PPRC1: variants seen among roughly 807,000 people sequenced by gnomAD.
The protein encoded by PPRC1 is peroxisome proliferator-activated receptor gamma coactivator-related protein 1.
In PPRC1, 23 loss-of-function variants were observed where a neutral mutation model predicts 132.5. That is an observed-to-expected ratio of 0.17 (90% CI 0.12 to 0.25). The LOEUF (loss-of-function observed/expected upper bound fraction) is 0.25. PPRC1 is among the 10% of genes least tolerant of loss of function. The probability of loss-of-function intolerance (pLI) is 1.00; values close to 1 mark genes in which losing one functional copy is unlikely to be tolerated. For synonymous variants in PPRC1, 872 were observed against 833.5 expected (o/e 1.05, Z -0.80); for missense variants, 2,006 against 2,089.1 (o/e 0.96, Z 0.78).
intron 7 of PPRC1, 42 bp from the exon 8 acceptor site, chr10:102,144,978 A>T: frequency 4.2e-6 from 6 of 1,439,434 alleles, no homozygotes; most frequent in Non-Finnish European, 4.8e-6. Flanking sequence ...TAAGATATTG[A>T]GAAGGCAATG....
the PPRC1 span, chr10:102,120,545 GGGGA>G: frequency 2.5e-5 from 6 of 241,904 alleles, no homozygotes; most frequent in Admixed American, 2.6e-4. Context: ...GCTAGTGGGA[GGGGA>G]GAGCCGTGTC....
At chr10:102,136,910 A>G (rs1394311131) in intron 1 of PPRC1, among the ~76,000 whole-genome samples, 1 of 152,140 alleles carries the variant, frequency 6.6e-6, no homozygotes, top group Non-Finnish European at 1.5e-5. Flanking sequence ...TAGTTCTTAG[A>G]GGAGTGTGGG....
In PPRC1 at chr10:102,146,985, C is replaced by A; in HGVS notation, c.3993C>A (p.Ile1331=). The A allele has an allele frequency of 6.2e-7, 1 of 1,614,176 alleles. No homozygotes were observed. ...WNVKRHQDIT[I]KPVLSLGPAA... ...TCAAGCGCCATCAGGACATCACCAT[C>A]AAACCTGTCTTGTCCTTGGGCCCAG... The change falls in exon 9 of 14, where the codon ATC becomes ATA. Residue 1331 remains isoleucine, a synonymous_variant. Coordinates refer to ENST00000278070, the MANE Select transcript of PPRC1 (RefSeq NM_015062.5).
At position 102,137,838 on chromosome 10, in the gene PPRC1, TCTC is replaced by T; in HGVS notation, c.154-11_154-9del. 6.2e-7 allele frequency: 1 copy of T among 1,612,324 alleles called. No individual in the cohort carries two copies. Among genetic ancestry groups the T allele is most frequent in the Non-Finnish European group, 8.5e-7 (1 of 1,179,134 alleles). ...AGAGCTCATACCCTTCTCACCTTCT[TCTC>T]TGCTCCAGGTGCTGCTGCATGAGGA... On this transcript the variant is annotated splice_polypyrimidine_tract_variant and intron_variant, in intron 1 of 13. Transcript: ENST00000278070.
At position 102,141,482 on chromosome 10, in the gene PPRC1, C is replaced by T. The variant is rs2068975745; in HGVS notation, c.2974C>T (p.Pro992Ser). 7 of 1,613,848 alleles carry T rather than the reference C, an allele frequency of 4.3e-6. No individual in the cohort carries two copies. In the East Asian group the frequency reaches 1.6e-4, roughly 36 times the overall value. ...ATGGGGCCCAGGGCCTCAACATGCT[C>T]CATTCTGGTCTACTGTTCCCCCACC... ...LGWGPGPQHAPFWSTVPPPPL... is the reference protein window; with the variant it reads ...LGWGPGPQHASFWSTVPPPPL... The change falls in exon 5 of 14, where the codon CCA becomes TCA. Residue 992 changes from proline (P) to serine (S), a missense_variant. Around this residue, in one of 2 missense-constraint regions of PPRC1, gnomAD observed 1,914 missense variants for 1,917.2 expected, o/e 1.00. Transcript: ENST00000278070.
Position 102,140,155 on chromosome 10 carries a change from T to G in PPRC1, c.1647T>G (p.Pro549=), listed in dbSNP as rs1375316087. The G allele has an allele frequency of 5.6e-6, 9 of 1,614,238 alleles. No individual in the cohort carries two copies. The highest frequency in any genetic ancestry group is 1.7e-5 in the Admixed American group (1 of 60,030). ...NLERSAGQSS[P]AKEGPLDLYP... is the part of the protein sequence containing the mutation. ...AGAGAAGTGCTGGACAAAGTAGTCCTGCTAAAGAAGGCCCTCTAGACCTCT... is the reference window on the plus strand; with the variant it reads ...AGAGAAGTGCTGGACAAAGTAGTCCGGCTAAAGAAGGCCCTCTAGACCTCT... The change falls in exon 5 of 14, where the codon CCT becomes CCG. Residue 549 remains proline (P), a synonymous_variant. Transcript: ENST00000278070.
Position 102,139,913 on chromosome 10 carries a change from G to A in PPRC1, c.1405G>A (p.Ala469Thr). The part of the protein sequence containing the change: ...GRKKKSKEQP[A>T]ACVEGYARRL... The stretch of plus-strand genomic sequence containing the variant: ...GAAGAAGAAGAGCAAGGAGCAGCCA[G>A]CAGCCTGTGTGGAAGGCTATGCCAG... The change falls in exon 5 of 14, where the codon GCA becomes ACA. Residue 469 changes from alanine (A) to threonine (T), a missense_variant. Ala to Thr is a moderately conservative substitution (Grantham distance 58). Around this residue, in one of 2 missense-constraint regions of PPRC1, gnomAD observed 1,914 missense variants for 1,917.2 expected, o/e 1.00. Coordinates refer to ENST00000278070, the MANE Select transcript of PPRC1 (RefSeq NM_015062.5). The A allele has an allele frequency of 6.2e-7, 1 of 1,614,268 alleles. No homozygotes were observed. The highest frequency in any genetic ancestry group is 8.5e-7 in the Non-Finnish European group (1 of 1,180,046).
rs765706257 is a variant in PPRC1, at chr10:102,139,408, G to C, written c.900G>C (p.Glu300Asp). ...TGGCAGTGCCAGCAGCTGGTGATGA[G>C]AGCATCTCCTCCCTGAGTGAGCTGG... Reference protein sequence around the residue: ...AEMAVPAAGDESISSLSELVR... With the variant: ...AEMAVPAAGDDSISSLSELVR... The change falls in exon 5 of 14, where the codon GAG (glutamate) becomes GAC (aspartate). Residue 300 changes from glutamate to aspartate, a missense_variant. Coordinates refer to ENST00000278070, the MANE Select transcript of PPRC1 (RefSeq NM_015062.5). The C allele has an allele frequency of 1.3e-5, 21 of 1,614,108 alleles. No individual in the cohort carries two copies. Among genetic ancestry groups the C allele is most frequent in the Middle Eastern group, 1.6e-4 (1 of 6,084 alleles).
At position 102,148,653 on chromosome 10, in the gene PPRC1, C is replaced by T. The variant is rs1377140167; in HGVS notation, c.4576C>T (p.His1526Tyr). 1.9e-6 allele frequency: 3 copies of T among 1,614,134 alleles called. No homozygotes were observed. The highest frequency in any genetic ancestry group is 2.2e-5 in the East Asian group (1 of 44,878). ...RRYSSYRSHD[H>Y]YQRQRVLQKE... Reference sequence around the variant, plus strand: ...GTACAGCTCTTATCGTTCACATGACCATTACCAAAGGCAAAGAGTGCTACA... The same window carrying T: ...GTACAGCTCTTATCGTTCACATGACTATTACCAAAGGCAAAGAGTGCTACA... The change falls in exon 11 of 14, where the codon CAT becomes TAT. Residue 1526 changes from histidine (H) to tyrosine (Y), a missense_variant. His to Tyr is a moderately conservative substitution (Grantham distance 83). Coordinates refer to ENST00000278070, the MANE Select transcript of PPRC1 (RefSeq NM_015062.5). The surrounding 1 kb of genome is among the most constrained non-coding windows in gnomAD (Gnocchi z 4.2).
chr10:102,138,642 G>C lies in PPRC1; in HGVS notation c.366G>C (p.Gln122His). 6.2e-7 allele frequency: 1 copy of C among 1,614,234 alleles called. No individual in the cohort carries two copies. The highest frequency in any genetic ancestry group is 8.5e-7 in the Non-Finnish European group (1 of 1,180,040). The change falls in exon 3 of 14, where the codon CAG (glutamine) becomes CAC (histidine). Residue 122 changes from glutamine to histidine, a missense_variant. By Grantham distance (24) the Gln-to-His change is conservative. Around this residue, in one of 2 missense-constraint regions of PPRC1, gnomAD observed 1,914 missense variants for 1,917.2 expected, o/e 1.00. Coordinates refer to ENST00000278070, the MANE Select transcript of PPRC1 (RefSeq NM_015062.5). ...LGESRLSLED[Q>H]NEVSLLTALT... ...AGAGCAGGTTATCTCTGGAGGACCAGAATGAAGTGTCGCTGCTCACGGCTC... is the reference window on the plus strand; with the variant it reads ...AGAGCAGGTTATCTCTGGAGGACCACAATGAAGTGTCGCTGCTCACGGCTC...
rs760628604 is a variant in PPRC1, at chr10:102,133,210, G to A, written c.142G>A (p.Gly48Ser). The change falls in exon 1 of 14, where the codon GGC becomes AGC. Residue 48 changes from glycine to serine, a missense_variant. Coordinates refer to ENST00000278070, the MANE Select transcript of PPRC1 (RefSeq NM_015062.5). ...GTATGGGACTTTGGGCGCTGTGAGC[G>A]GCGGCGAGCAGGTGAGAGGTTGGCT... ...APYGTLGAVS[G>S]GEQVLLHEEA... The A allele has an allele frequency of 6.2e-6, 8 of 1,282,568 alleles. No individual in the cohort carries two copies. Among genetic ancestry groups the A allele is most frequent in the Non-Finnish European group, 6.9e-6 (7 of 1,008,116 alleles). 79.4% of individuals were successfully genotyped at this position (1,282,568 alleles called of 1,614,324 possible).
chr10:102,132,798 C>G (rs193212282), upstream of PPRC1, among the ~76,000 whole-genome samples: 1 of 152,350 alleles, frequency 6.6e-6, no homozygotes, highest in African/African-American at 2.4e-5. Flanking sequence ...GCTGAGCGCT[C>G]CCTAAATCGG....
the PPRC1 span, among the ~76,000 whole-genome samples, chr10:102,122,904 A>T: frequency 1.3e-5 from 2 of 152,234 alleles, no homozygotes; most frequent in African/African-American, 4.8e-5. Context: ...CTTTGGAAGA[A>T]GGTGCTATTA....
At chr10:102,132,494 A>C (rs2068561242), upstream of PPRC1, among the ~76,000 whole-genome samples, 1 of 152,272 alleles carries the variant, frequency 6.6e-6, no homozygotes, top group Non-Finnish European at 1.5e-5. Flanking sequence ...AGCAAGAAAC[A>C]AATTTGATAG....
Position 102,141,025 on chromosome 10 carries a change from G to A in PPRC1, c.2517G>A (p.Val839=). Residue 839 remains valine (V), a synonymous_variant, in exon 5 of 14, where the codon GTG becomes GTA. Transcript: ENST00000278070. ...PSPEPPVSKP[V]ASSPTEQVPS... Reference sequence around the variant, plus strand: ...CTGAGCCACCTGTAAGCAAACCTGTGGCCTCATCTCCCACTGAGCAGGTGC... The same window carrying A: ...CTGAGCCACCTGTAAGCAAACCTGTAGCCTCATCTCCCACTGAGCAGGTGC... 6.2e-7 allele frequency: 1 copy of A among 1,614,104 alleles called. No individual in the cohort carries two copies. The highest frequency in any genetic ancestry group is 1.1e-5 in the South Asian group (1 of 91,088).
rs2069153497 is a variant in PPRC1, at chr10:102,144,940, C to G, written c.3609-80C>G. 1.8e-5 allele frequency: 21 copies of G among 1,143,732 alleles called. No homozygotes were observed. In the South Asian group the frequency reaches 2.7e-4, roughly 14 times the overall value. 70.8% of individuals were successfully genotyped at this position (1,143,732 alleles called of 1,614,324 possible). A position where few individuals can be genotyped will look rare whatever the true frequency, so the allele number is the denominator to read the frequency against. ...CATTCTTCTCTGCACCCACCCCCTCCCATTGATTTCTGAGAAAGGCAAATG... is the reference window on the plus strand; with the variant it reads ...CATTCTTCTCTGCACCCACCCCCTCGCATTGATTTCTGAGAAAGGCAAATG... On this transcript the variant is annotated intron_variant, in intron 7 of 13. Transcript: ENST00000278070.
At position 102,143,468 on chromosome 10, in the gene PPRC1, G is replaced by A. The variant is rs544246126; in HGVS notation, c.3550+370G>A. 1.1e-4 allele frequency among the ~76,000 whole-genome samples: 17 copies of A among 152,062 alleles called. No individual in the cohort carries two copies. In the South Asian group the frequency reaches 2.9e-3, roughly 26 times the overall value. ...ACAAAAATTAGCTGGGCGAGGTGGC[G>A]GGCACCTGTAATCCCAGTTACTCGG... On this transcript the variant is annotated intron_variant, in intron 6 of 13. Transcript: ENST00000278070.
the PPRC1 span, among the ~76,000 whole-genome samples, chr10:102,123,167 A>G: frequency 3.9e-5 from 6 of 152,162 alleles, no homozygotes; most frequent in African/African-American, 1.4e-4. Context: ...TCCTACAGGA[A>G]CTCCATTTAG....
At chr10:102,144,781 A>AG (rs1282542730) in intron 7 of PPRC1, 2 of 538,976 alleles carry the variant, frequency 3.7e-6, no homozygotes, top group Admixed American at 6.6e-5. Context: ...GATGTGAAGG[A>AG]GGTGGGGGGT....
Sources: allele counts gnomAD v4.1 joint callset (sites outside exome capture counted in the v4.1 genomes callset), GRCh38; gene constraint gnomAD v4.1.1; regional missense constraint gnomAD v4.1.1; non-coding constraint Gnocchi (gnomAD v3.1); transcripts MANE v1.5; gene names NCBI Gene and HGNC (gene_info 2026-07-23, HGNC 2026-07-21).